The following ARHGEF16 variants were observed in gnomAD, a reference collection of about 807,000 sequenced individuals.
ARHGEF16 encodes the protein Rho guanine exchange factor (GEF) 16.
A neutral mutation model predicts 74.1 loss-of-function variants in ARHGEF16; 59 were observed. The observed-to-expected ratio is 0.80, with a 90% CI of 0.65 to 0.99. ARHGEF16 has a LOEUF of 0.99. Among genes scored for constraint, ARHGEF16 ranks in the 50% least tolerant of loss-of-function variants. The pLI is 0.00. For missense variants in ARHGEF16, 948 were observed against 986.6 expected (o/e 0.96, Z 0.52); for synonymous variants, 415 against 412.6 (o/e 1.01, Z -0.07).
At position 3,467,062 on chromosome 1, in the gene ARHGEF16, C is replaced by T. The variant is rs749166366; in HGVS notation, c.635-106C>T. The stretch of plus-strand genomic sequence containing the variant: ...CCTCCCAAAGCCTCCCTCTCCCACA[C>T]AGCCGTGAGAGCCTGTGGGCCTAGA... On this transcript the variant is annotated intron_variant, in intron 3 of 14. Coordinates refer to ENST00000378378, the MANE Select transcript of ARHGEF16 (RefSeq NM_014448.4). The T allele has an allele frequency of 2.1e-4, 259 of 1,238,936 alleles. 6 individuals carry two copies. Among genetic ancestry groups the T allele is most frequent in the South Asian group, 1.8e-3 (117 of 64,292 alleles). The allele number at this position is 1,238,936 out of a possible 1,614,324, so 76.7% of individuals were successfully genotyped here. A position where few individuals can be genotyped will look rare whatever the true frequency, so the allele number is the denominator to read the frequency against.
At chr1:3,477,747 C>T in intron 10 of ARHGEF16, 128 bp from the exon 11 acceptor site, 1 of 842,612 alleles carries the variant, frequency 1.2e-6, no homozygotes, top group Non-Finnish European at 1.9e-6. Context: ...GCTGGTCACC[C>T]AGTCCAGAGG....
rs369571831 is a variant in ARHGEF16, at chr1:3,458,300, T to G, written c.-20+3489T>G. On this transcript the variant is annotated intron_variant, in intron 1 of 14. Transcript: ENST00000378378. Reference sequence around the variant, plus strand: ...CTGTGCTAAGCCCCCACTCAGCAAGTCAGGGCTGCCTTTGCTGGGGAGCAG... The same window carrying G: ...CTGTGCTAAGCCCCCACTCAGCAAGGCAGGGCTGCCTTTGCTGGGGAGCAG... 2.6e-5 allele frequency among the ~76,000 whole-genome samples: 4 copies of G among 152,262 alleles called. No homozygotes were observed. In the East Asian group the frequency reaches 7.7e-4, roughly 29 times the overall value.
At position 3,480,872 on chromosome 1, in the gene ARHGEF16, T is replaced by G; in HGVS notation, c.*285T>G. On this transcript the variant is annotated 3_prime_UTR_variant, in exon 15 of 15. Coordinates refer to ENST00000378378, the MANE Select transcript of ARHGEF16 (RefSeq NM_014448.4). The stretch of plus-strand genomic sequence containing the variant: ...GGCCCCTCAGCTGCTGGGCCCCACC[T>G]CCCCACTGCACCCAGGGGGCAACTC... 2.0e-6 allele frequency: 1 copy of G among 501,310 alleles called. No homozygotes were observed. The highest frequency in any genetic ancestry group is 3.6e-6 in the Non-Finnish European group (1 of 280,544). 31.1% of individuals were successfully genotyped at this position (501,310 alleles called of 1,614,324 possible).
At chr1:3,456,275 C>T (rs1445380467) in intron 1 of ARHGEF16, among the ~76,000 whole-genome samples, 2 of 152,360 alleles carry the variant, frequency 1.3e-5, no homozygotes, top group East Asian at 3.9e-4. Flanking sequence ...GTGCCAGGGT[C>T]CCCACAGCTC....
Position 3,479,526 on chromosome 1 carries a change from G to C in ARHGEF16, c.1824G>C (p.Arg608=). The change falls in exon 13 of 15, where the codon CGG becomes CGC. Residue 608 remains arginine, a synonymous_variant. Coordinates refer to ENST00000378378, the MANE Select transcript of ARHGEF16 (RefSeq NM_014448.4). ...TGTCTCTGGTCCCCAGGAGTGACCG[G>C]GCACGGTGGATCGTGGCGCTCACAC... The part of the protein sequence containing the change: ...LLLSSDSASD[R]ARWIVALTHS... 1 of 1,612,636 alleles carries C rather than the reference G, an allele frequency of 6.2e-7. No individual in the cohort carries two copies. Among genetic ancestry groups the C allele is most frequent in the Non-Finnish European group, 8.5e-7 (1 of 1,179,884 alleles).
intron 8 of ARHGEF16, chr1:3,474,474 G>A: frequency 2.0e-6 from 1 of 498,418 alleles, no homozygotes; most frequent in Admixed American, 3.3e-5. Flanking sequence ...GGGAAGGGAA[G>A]GGTTCCAGGC....
chr1:3,480,406 C>G lies in ARHGEF16; in HGVS notation c.1991-42C>G, dbSNP rs370911697. On this transcript the variant is annotated intron_variant, in intron 14 of 14. Transcript: ENST00000378378. ...CAGCTCAGAGGGGCCGGGGGACCCA[C>G]GGCCTTCCCCTCACCTCCCTCCCAC... The G allele has an allele frequency of 1.5e-5, 24 of 1,607,572 alleles. No homozygotes were observed. In the African/African-American group the frequency reaches 2.7e-4, roughly 18 times the overall value.
intron 14 of ARHGEF16, among the ~76,000 whole-genome samples, chr1:3,480,173 C>G (rs11801054): frequency 6.6e-6 from 1 of 152,170 alleles, no homozygotes; most frequent in East Asian, 1.9e-4. Flanking sequence ...AGGCCCAGCA[C>G]GAGCCTGCAG....
intron 1 of ARHGEF16, among the ~76,000 whole-genome samples, chr1:3,459,939 C>T (rs911565160): frequency 1.3e-5 from 2 of 152,214 alleles, no homozygotes; most frequent in Non-Finnish European, 2.9e-5. Context: ...CTGAGGAGCC[C>T]AGAGCAGTGG....
At chr1:3,467,146 G>A in intron 3 of ARHGEF16, 22 bp from the exon 4 acceptor site, 4 of 1,545,118 alleles carry the variant, frequency 2.6e-6, no homozygotes, top group Non-Finnish European at 3.5e-6. Context: ...AGGGCCACAG[G>A]TTACCCTCCT....
intron 6 of ARHGEF16, among the ~76,000 whole-genome samples, chr1:3,470,600 GGTGT>G (rs1639683554): frequency 7.0e-6 from 1 of 143,028 alleles, no homozygotes; most frequent in Non-Finnish European, 1.5e-5. Context: ...TTTTCGGTCA[GGTGT>G]GTGTGAGTGG....
Position 3,477,950 on chromosome 1 carries a change from T to C in ARHGEF16, c.1549T>C (p.Phe517Leu), listed in dbSNP as rs758377873. The change falls in exon 11 of 15, where the codon TTT (phenylalanine) becomes CTT (leucine). Residue 517 changes from phenylalanine (F) to leucine (L), a missense_variant. Physicochemically the swap from Phe to Leu is conservative, Grantham distance 22 (BLOSUM62 0). Coordinates refer to ENST00000378378, the MANE Select transcript of ARHGEF16 (RefSeq NM_014448.4). ...ELFLVEETGL[F>L]RKIASRPTCY... ...GTTCTTAGTGGAAGAAACCGGACTTTTTCGAAAAATTGCCAGCCGGCCAAC... is the reference window on the plus strand; with the variant it reads ...GTTCTTAGTGGAAGAAACCGGACTTCTTCGAAAAATTGCCAGCCGGCCAAC... The C allele has an allele frequency of 6.2e-7, 1 of 1,612,626 alleles. No homozygotes were observed.
chr1:3,469,030 T>A, intron 5 of ARHGEF16, 94 bp downstream of exon 5: 3 of 1,450,574 alleles, frequency 2.1e-6, no homozygotes, highest in Non-Finnish European at 1.9e-6. Flanking sequence ...CACCCAGCCA[T>A]CCCTCTGCGG....
chr1:3,465,900 C>T lies in ARHGEF16; in HGVS notation c.589-248C>T, dbSNP rs1241971030. ...CTGCTCGAAACTCTTCTGAGCGTCC[C>T]CTCACGATGAGTTCAACCCTTCCTC... On this transcript the variant is annotated intron_variant, in intron 2 of 14. Transcript: ENST00000378378. 23 of 521,072 alleles carry T rather than the reference C, an allele frequency of 4.4e-5. No homozygotes were observed. In the East Asian group the frequency reaches 5.7e-4, roughly 13 times the overall value. 32.3% of individuals were successfully genotyped at this position (521,072 alleles called of 1,614,324 possible). A position where few individuals can be genotyped will look rare whatever the true frequency, so the allele number is the denominator to read the frequency against.
chr1:3,478,508 C>G lies in ARHGEF16; in HGVS notation c.1710C>G (p.Pro570=), dbSNP rs554388264. The change falls in exon 12 of 15, where the codon CCC becomes CCG. Residue 570 remains proline, a synonymous_variant. Coordinates refer to ENST00000378378, the MANE Select transcript of ARHGEF16 (RefSeq NM_014448.4). ...TAGAGCCGTCTGAGCTCCCTCTGCC[C>G]GGGGGCGGCAACCGTAGCTCCTCCG... ...EKIEPSELPL[P]GGGNRSSSVP... 2 of 1,612,612 alleles carry G rather than the reference C, an allele frequency of 1.2e-6. No individual in the cohort carries two copies. Among genetic ancestry groups the G allele is most frequent in the East Asian group, 2.2e-5 (1 of 44,870 alleles).
In ARHGEF16 at chr1:3,460,577, C is replaced by T. The variant is rs368908349; in HGVS notation, c.-19-2489C>T. Among the ~76,000 whole-genome samples, 6 of 152,354 alleles carry T rather than the reference C, an allele frequency of 3.9e-5. No individual in the cohort carries two copies. In the East Asian group the frequency reaches 5.8e-4, roughly 15 times the overall value. On this transcript the variant is annotated intron_variant, in intron 1 of 14. Transcript: ENST00000378378. The stretch of plus-strand genomic sequence containing the variant: ...AAAGGACCGCAGGGCCGTAGACCGC[C>T]TACGCTGGCCACCCACTGGAGTGTG...
intron 1 of ARHGEF16, among the ~76,000 whole-genome samples, chr1:3,455,727 T>C (rs1296887043): frequency 6.6e-6 from 1 of 152,144 alleles, no homozygotes; most frequent in Non-Finnish European, 1.5e-5. Context: ...GTGCTGTGCC[T>C]GGCTGCAGGT....
chr1:3,476,029 GC>G lies in ARHGEF16; in HGVS notation c.1441del (p.Leu481CysfsTer15). 6.4e-7 allele frequency: 1 copy of G among 1,556,608 alleles called. No individual in the cohort carries two copies. Among genetic ancestry groups the G allele is most frequent in the Non-Finnish European group, 8.7e-7 (1 of 1,150,172 alleles). ...RMERMEQMYT[L>X]HTQLDFSKVK... ...TGGAGCGCATGGAGCAGATGTACAC[GC>G]TGCACACACAGCTGGACTTCAGCAA... On this transcript the variant is annotated frameshift_variant, in exon 10 of 15. Coordinates refer to ENST00000378378, the MANE Select transcript of ARHGEF16 (RefSeq NM_014448.4). LOFTEE classifies it high-confidence loss of function.
At chr1:3,462,183 G>A (rs541631743) in intron 1 of ARHGEF16, among the ~76,000 whole-genome samples, 15 of 152,254 alleles carry the variant, frequency 9.9e-5, no homozygotes, top group Admixed American at 1.3e-4. Flanking sequence ...GGGGGTGTAC[G>A]TGGGACTGTG....
Sources: allele counts gnomAD v4.1 joint callset (sites outside exome capture counted in the v4.1 genomes callset), GRCh38; gene constraint gnomAD v4.1.1; transcripts MANE v1.5; gene names NCBI Gene and HGNC (gene_info 2026-07-23, HGNC 2026-07-21).